Variants in PCNX2 observed in about 807,000 individuals in gnomAD.
PCNX2 encodes pecanex 2.
PCNX2 carries 168 observed loss-of-function variants against 223.8 expected under a neutral mutation model. The ratio of observed to expected loss-of-function variants is 0.75; its 90% CI spans 0.66 to 0.85. The LOEUF (loss-of-function observed/expected upper bound fraction) is 0.85, where lower values mean the gene tolerates loss of function less well. Ranked by LOEUF, PCNX2 falls within the 40% of genes least tolerant of loss-of-function variation. The pLI is 0.00. For missense variants in PCNX2, 2,507 were observed against 2,675.5 expected, an observed-to-expected ratio of 0.94 and a Z score of 1.39; for synonymous variants, 1,006 against 1,052.6, an observed-to-expected ratio of 0.96 and a Z score of 0.86.
At chr1:233,293,906 G>A (rs1290456291) in intron 1 of PCNX2, 2 of 952,708 alleles carry the variant, frequency 2.1e-6, no homozygotes, top group East Asian at 2.3e-4. Context: ...TGTCCCTCTA[G>A]GAAAAGAGAA....
Position 233,295,597 on chromosome 1 carries a change from C to T in PCNX2, c.-119G>A. The T allele has an allele frequency of 3.6e-6, 4 of 1,104,504 alleles. No individual in the cohort carries two copies. The highest frequency in any genetic ancestry group is 3.5e-6 in the Non-Finnish European group (3 of 860,814). The allele number at this position is 1,104,504 out of a possible 1,614,324, so 68.4% of individuals were successfully genotyped here. On this transcript the variant is annotated 5_prime_UTR_variant, in exon 1 of 34. Transcript: ENST00000258229. This position sits in a 1 kb window ranked among gnomAD's most constrained non-coding sequence, Gnocchi z 4.1. ...CGGGCCGCGCCCCCGCCGTCGCCGC[C>T]GCCGTCGCCCCCGCCGCCTCCTTCC... is the stretch of plus-strand genomic sequence containing the variant.
intron 21 of PCNX2, among the ~76,000 whole-genome samples, chr1:233,105,045 G>T (rs1674687167): frequency 6.6e-6 from 1 of 152,082 alleles, no homozygotes; most frequent in Non-Finnish European, 1.5e-5. Context: ...CTTAAAATGT[G>T]CATCTTAGAA....
intron 12 of PCNX2, chr1:233,211,816 A>G (rs2102917364): frequency 2.0e-6 from 2 of 984,598 alleles, no homozygotes; most frequent in Non-Finnish European, 2.4e-6. Context: ...AACATTACTC[A>G]TGTGAAGCAA....
intron 26 of PCNX2, among the ~76,000 whole-genome samples, chr1:233,020,750 T>C (rs1336273333): frequency 6.6e-6 from 1 of 152,132 alleles, no homozygotes; most frequent in Non-Finnish European, 1.5e-5. Flanking sequence ...TTTTAAACAC[T>C]AATAATCTGA....
At chr1:233,112,158 G>T (rs572764659) in intron 21 of PCNX2, among the ~76,000 whole-genome samples, 1 of 152,344 alleles carries the variant, frequency 6.6e-6, no homozygotes, top group Non-Finnish European at 1.5e-5. Context: ...AGGAAAGAAA[G>T]AATGGGAAAA....
intron 23 of PCNX2, among the ~76,000 whole-genome samples, chr1:233,082,638 G>A (rs550126470): frequency 2.0e-5 from 3 of 152,262 alleles, no homozygotes; most frequent in South Asian, 4.1e-4. Context: ...GCCAGAATAA[G>A]CGGCCTGCTT....
At chr1:233,149,321 C>A (rs962810690) in intron 19 of PCNX2, among the ~76,000 whole-genome samples, 1 of 152,096 alleles carries the variant, frequency 6.6e-6, no homozygotes, top group Non-Finnish European at 1.5e-5. Context: ...AGTTCTTCTC[C>A]ATAATTAAAA....
At chr1:233,240,244 G>C (rs561297026) in intron 8 of PCNX2, among the ~76,000 whole-genome samples, 1 of 152,152 alleles carries the variant, frequency 6.6e-6, no homozygotes. Context: ...TCACTGAAAC[G>C]GACAGGTGGA....
At position 233,135,088 on chromosome 1, in the gene PCNX2, A is replaced by G; in HGVS notation, c.3762T>C (p.Phe1254=). Residue 1254 remains phenylalanine (F), a synonymous_variant, in exon 21 of 34, where the codon TTT becomes TTC. Coordinates refer to ENST00000258229, the MANE Select transcript of PCNX2 (RefSeq NM_014801.4). ...QFINLSFTVI[F]FHFDYKDISE... ...AAATATCTTTGTAGTCAAAGTGGAA[A>G]AAGATGACAGTGAAGCTCAAGTTAA... 1.9e-6 allele frequency: 3 copies of G among 1,613,158 alleles called. No individual in the cohort carries two copies. In the Middle Eastern group the frequency reaches 5.0e-4, roughly 266 times the overall value.
At chr1:233,163,255 AC>A (rs533690830) in intron 17 of PCNX2, among the ~76,000 whole-genome samples, 61 of 152,014 alleles carry the variant, frequency 4.0e-4, no homozygotes, top group African/African-American at 1.4e-3. Context: ...GGAGGCCAAG[AC>A]AGGTGGATCA....
rs141663540 is a variant in PCNX2, at chr1:232,999,697, A to T, written c.5329-318T>A. 1.7e-3 allele frequency: 460 copies of T among 276,946 alleles called. 1 individual carries two copies. The highest frequency in any genetic ancestry group is 9.4e-3 in the African/African-American group (416 of 44,368). The allele number at this position is 276,946 out of a possible 1,614,324, so 17.2% of individuals were successfully genotyped here. On this transcript the variant is annotated intron_variant, in intron 30 of 33. Coordinates refer to ENST00000258229, the MANE Select transcript of PCNX2 (RefSeq NM_014801.4). ...TCGAACTCTTGACCTCAGGTGATCC[A>T]CACGCCTCGGCCAATCTATTGGTTT... is the stretch of plus-strand genomic sequence containing the variant.
rs764435182 is a variant in PCNX2 at position 233,258,096 on chromosome 1, G to A, written c.1766C>T (p.Ser589Phe). The change falls in exon 5 of 34, where the codon TCC becomes TTC. Residue 589 changes from serine to phenylalanine, a missense_variant. By Grantham distance (155) the Ser-to-Phe change is radical. Coordinates refer to ENST00000258229, the MANE Select transcript of PCNX2 (RefSeq NM_014801.4). ...CAGTTGACTGGATGCCGTCATCTTG[G>A]AAGTATTAATGGATTCTAACAGGGA... ...FVSLLESINT[S>F]KMTASSQLNG... 8 of 1,613,926 alleles carry A rather than the reference G, an allele frequency of 5.0e-6. No homozygotes were observed. The South Asian group carries it at 6.6e-5, about 13-fold the overall frequency.
At chr1:233,147,581 GAAA>G (rs57899098) in intron 19 of PCNX2, among the ~76,000 whole-genome samples, 5 of 144,552 alleles carry the variant, frequency 3.5e-5, no homozygotes, top group African/African-American at 1.2e-4. Context: ...AACTTTTACT[GAAA>G]AAAAAAAAAA....
intron 13 of PCNX2, among the ~76,000 whole-genome samples, chr1:233,206,461 T>C (rs1295691850): frequency 6.6e-6 from 1 of 151,846 alleles, no homozygotes; most frequent in Non-Finnish European, 1.5e-5. Context: ...GCCGACTTAG[T>C]GAGGAATATG....
intron 17 of PCNX2, among the ~76,000 whole-genome samples, chr1:233,163,471 G>A (rs140069722): frequency 0.07 from 10,562 of 151,894 alleles, 581 homozygotes; most frequent in East Asian, 0.31. Context: ...GGGTGACAGA[G>A]CGAGACTCTG....
At position 233,084,266 on chromosome 1, in the gene PCNX2, G is replaced by A. The variant is rs907683286; in HGVS notation, c.4076+5795C>T. On this transcript the variant is annotated intron_variant, in intron 23 of 33. Coordinates refer to ENST00000258229, the MANE Select transcript of PCNX2 (RefSeq NM_014801.4). ...CTACCGCTGCCTCAGTAAGAGATGA[G>A]GATTAAGTAGAACCAATTATTTCTT... Among the ~76,000 whole-genome samples, 6 of 152,160 alleles carry A rather than the reference G, an allele frequency of 3.9e-5. No individual in the cohort carries two copies. In the East Asian group the frequency reaches 1.2e-3, roughly 29 times the overall value.
chr1:233,258,483 G>C lies in PCNX2; in HGVS notation c.1379C>G (p.Thr460Arg), dbSNP rs369673584. Residue 460 changes from threonine (T) to arginine (R), a missense_variant, in exon 5 of 34, where the codon ACG becomes AGG. Coordinates refer to ENST00000258229, the MANE Select transcript of PCNX2 (RefSeq NM_014801.4). ...AGAACACTGATTGGTGGATACCCTCGTCTTCAGTCTCTCTGGAGTCCTTTC... is the reference window on the plus strand; with the variant it reads ...AGAACACTGATTGGTGGATACCCTCCTCTTCAGTCTCTCTGGAGTCCTTTC... The part of the protein sequence containing the change: ...GSERTPERLK[T>R]RVSTNQCSGY... The C allele has an allele frequency of 1.2e-6, 2 of 1,613,924 alleles. No homozygotes were observed. Among genetic ancestry groups the C allele is most frequent in the Admixed American group, 1.7e-5 (1 of 60,020 alleles).
At chr1:233,194,456 C>T (rs977532541) in intron 15 of PCNX2, among the ~76,000 whole-genome samples, 4 of 151,972 alleles carry the variant, frequency 2.6e-5, no homozygotes, top group Admixed American at 6.5e-5. Context: ...AAGAAATGTA[C>T]ATTGCAGAAA....
intron 25 of PCNX2, among the ~76,000 whole-genome samples, chr1:233,028,164 T>C (rs1040702240): frequency 6.6e-6 from 1 of 152,234 alleles, no homozygotes; most frequent in Admixed American, 6.5e-5. Flanking sequence ...ACATGGTGTA[T>C]TTCGGTGACT....
Sources: allele counts gnomAD v4.1 joint callset (sites outside exome capture counted in the v4.1 genomes callset), GRCh38; gene constraint gnomAD v4.1.1; non-coding constraint Gnocchi (gnomAD v3.1); transcripts MANE v1.5; gene names NCBI Gene and HGNC (gene_info 2026-07-23, HGNC 2026-07-21).